Variants in CABCOCO1 observed in about 807,000 individuals in gnomAD.
The protein encoded by CABCOCO1 is ciliary-associated calcium-binding coiled-coil protein 1.
Under a neutral mutation model 35.7 loss-of-function variants are expected in CABCOCO1, and 28 were observed. The ratio of observed to expected loss-of-function variants is 0.78; its 90% confidence interval spans 0.58 to 1.07. The LOEUF is 1.07. CABCOCO1 is among the 50% of genes least tolerant of loss of function. The probability of loss-of-function intolerance (pLI) is 0.00; values close to 1 mark genes in which losing one functional copy is unlikely to be tolerated. For synonymous variants in CABCOCO1, 95 were observed against 100.1 expected, an observed-to-expected ratio of 0.95 and a Z score of 0.30; for missense variants, 326 against 309.2, an observed-to-expected ratio of 1.05 and a Z score of -0.41.
At chr10:61,721,093 T>G (rs955947574) in intron 5 of CABCOCO1, among the ~76,000 whole-genome samples, 4 of 151,550 alleles carry the variant, frequency 2.6e-5, no homozygotes, top group African/African-American at 9.7e-5. Context: ...CCCGGCTAAT[T>G]TTTTGTATTT....
At chr10:61,747,580 C>G (rs1232281035) in intron 5 of CABCOCO1, among the ~76,000 whole-genome samples, 1 of 152,050 alleles carries the variant, frequency 6.6e-6, no homozygotes, top group Non-Finnish European at 1.5e-5. Context: ...TTGCAATGTT[C>G]CTTTATTATT....
At chr10:61,757,700 G>GACACACACACACACAC (rs67841126) in intron 5 of CABCOCO1, among the ~76,000 whole-genome samples, 10 of 147,770 alleles carry the variant, frequency 6.8e-5, no homozygotes, top group African/African-American at 2.5e-4. Context: ...CACACACACA[G>GACACACACACACACAC]ACACACACAC....
intron 5 of CABCOCO1, among the ~76,000 whole-genome samples, chr10:61,728,855 T>A (rs1039129231): frequency 6.6e-6 from 1 of 152,154 alleles, no homozygotes; most frequent in Non-Finnish European, 1.5e-5. Flanking sequence ...TCATCCCATT[T>A]CTATTCTCCT....
At chr10:61,696,335 A>T (rs1840294405) in intron 5 of CABCOCO1, among the ~76,000 whole-genome samples, 1 of 152,038 alleles carries the variant, frequency 6.6e-6, no homozygotes, top group South Asian at 2.1e-4. Context: ...TAAATTTAAA[A>T]TGCAAAACTA....
chr10:61,704,164 C>T (rs886851926), intron 5 of CABCOCO1, among the ~76,000 whole-genome samples: 39 of 152,156 alleles, frequency 2.6e-4, no homozygotes, highest in African/African-American at 8.7e-4. Context: ...GTGGAGGTTG[C>T]AGGGAGCCGA....
At chr10:61,665,236 A>G (rs943130635) in intron 1 of CABCOCO1, among the ~76,000 whole-genome samples, 1 of 152,222 alleles carries the variant, frequency 6.6e-6, no homozygotes, top group Non-Finnish European at 1.5e-5. Context: ...AAAGGTAGTT[A>G]TCTACTCTAT....
intron 1 of CABCOCO1, among the ~76,000 whole-genome samples, chr10:61,664,717 T>A (rs1244217062): frequency 6.6e-6 from 1 of 152,202 alleles, no homozygotes; most frequent in East Asian, 1.9e-4. Context: ...CCATTTTCCG[T>A]TTTAATGAAA....
chr10:61,680,125 A>G lies in CABCOCO1; in HGVS notation c.165-1018A>G, dbSNP rs763807798. Reference sequence around the variant, plus strand: ...CAGGAGTTCGAGACCAGCCTTGCCAACATGGTGAAACCCCGTCTCTACTAA... The same window carrying G: ...CAGGAGTTCGAGACCAGCCTTGCCAGCATGGTGAAACCCCGTCTCTACTAA... On this transcript the variant is annotated intron_variant, in intron 2 of 7. Coordinates refer to ENST00000648843, the MANE Select transcript of CABCOCO1 (RefSeq NM_001366906.2). Among the ~76,000 whole-genome samples, 72 of 151,794 alleles carry G rather than the reference A, an allele frequency of 4.7e-4. 1 individual carries two copies. Among genetic ancestry groups the G allele is most frequent in the Admixed American group, 3.5e-3 (54 of 15,214 alleles).
rs118191216 is a variant in CABCOCO1 at position 61,745,653 on chromosome 10, C to T, written c.553-14406C>T. Among the ~76,000 whole-genome samples the T allele has an allele frequency of 7.2e-5, 11 of 152,304 alleles. No individual in the cohort carries two copies. The East Asian group carries it at 2.1e-3, about 29-fold the overall frequency. ...CCATGTTTTGCACATGGAACGCACA[C>T]AGATCAGTTGAATTGAACCAAAATC... On this transcript the variant is annotated intron_variant, in intron 5 of 7. Transcript: ENST00000648843.
chr10:61,663,259 C>T, intron 1 of CABCOCO1: 1 of 161,678 alleles, frequency 6.2e-6, no homozygotes. Context: ...CCCGGCGCGC[C>T]GTGCACGGTG....
intron 4 of CABCOCO1, among the ~76,000 whole-genome samples, chr10:61,689,277 G>A (rs1486599731): frequency 1.3e-5 from 2 of 152,120 alleles, no homozygotes; most frequent in African/African-American, 4.8e-5. Flanking sequence ...GTAAGTTAGG[G>A]AGAGTTTGAA....
Position 61,681,190 on chromosome 10 carries a change from A to C in CABCOCO1, c.212A>C (p.Lys71Thr). ...TTCAAAAACCTTGAAACTTGTTTAA[A>C]GGATGCCATTCTACTAGATTATTAT... ...LNFKNLETCL[K>T]DAILLDYYVS... Residue 71 changes from lysine (K) to threonine (T), a missense_variant, in exon 3 of 8, where the codon AAG (lysine) becomes ACG (threonine). Lys to Thr is a moderately conservative substitution (Grantham distance 78). Coordinates refer to ENST00000648843, the MANE Select transcript of CABCOCO1 (RefSeq NM_001366906.2). 6.6e-7 allele frequency: 1 copy of C among 1,513,276 alleles called. No individual in the cohort carries two copies. 93.7% of individuals were successfully genotyped at this position (1,513,276 alleles called of 1,614,324 possible).
Position 61,713,007 on chromosome 10 carries a change from A to G in CABCOCO1, c.552+22386A>G, listed in dbSNP as rs1334577151. On this transcript the variant is annotated intron_variant, in intron 5 of 7. Transcript: ENST00000648843. The stretch of plus-strand genomic sequence containing the variant: ...AATGCGGGCTCTTTTTTGGTTCTAT[A>G]TGAACTTTAAAGTAGCTTTTTCCAA... Among the ~76,000 whole-genome samples the G allele has an allele frequency of 2.0e-5, 3 of 152,156 alleles. No individual in the cohort carries two copies. In the East Asian group the frequency reaches 5.8e-4, roughly 29 times the overall value.
intron 1 of CABCOCO1, among the ~76,000 whole-genome samples, chr10:61,665,116 G>T (rs953469997): frequency 6.6e-6 from 1 of 152,142 alleles, no homozygotes; most frequent in Admixed American, 6.5e-5. Flanking sequence ...TTTCCCATTT[G>T]TTGTTTGTGG....
At chr10:61,698,361 G>A (rs1367211675) in intron 5 of CABCOCO1, among the ~76,000 whole-genome samples, 1 of 152,144 alleles carries the variant, frequency 6.6e-6, no homozygotes, top group African/African-American at 2.4e-5. Flanking sequence ...CAGTCCATGT[G>A]TTTAATGGAG....
intron 5 of CABCOCO1, among the ~76,000 whole-genome samples, chr10:61,756,643 C>A (rs1841903108): frequency 6.6e-6 from 1 of 152,018 alleles, no homozygotes; most frequent in African/African-American, 2.4e-5. Flanking sequence ...CAAAACCAAT[C>A]ATTTGGCAAA....
At chr10:61,720,067 T>G (rs1464217098) in intron 5 of CABCOCO1, among the ~76,000 whole-genome samples, 1 of 151,914 alleles carries the variant, frequency 6.6e-6, no homozygotes, top group Non-Finnish European at 1.5e-5. Flanking sequence ...GTAGAACGAA[T>G]GGAATAAAAA....
intron 5 of CABCOCO1, among the ~76,000 whole-genome samples, chr10:61,731,525 A>AT (rs893735487): frequency 1.5e-4 from 22 of 150,440 alleles, no homozygotes; most frequent in East Asian, 5.8e-4. Flanking sequence ...TCACCTTCTC[A>AT]TTTTTTTTTG....
At chr10:61,745,835 T>C (rs944725680) in intron 5 of CABCOCO1, among the ~76,000 whole-genome samples, 3 of 152,196 alleles carry the variant, frequency 2.0e-5, no homozygotes, top group African/African-American at 4.8e-5. Context: ...AGACCCACAG[T>C]GTTCTTTAAA....
Sources: gnomAD v4.1 joint callset for allele counts (sites outside exome capture counted in the v4.1 genomes callset) on GRCh38, gnomAD v4.1.1 for gene constraint, MANE v1.5 for transcripts, NCBI Gene and HGNC (gene_info 2026-07-23, HGNC 2026-07-21) for gene names.